The following ZNF543 variants were observed in gnomAD, a reference collection of about 807,000 sequenced individuals.
The protein encoded by ZNF543 is zinc finger protein 543.
A neutral mutation model predicts 13.4 loss-of-function variants in ZNF543; 10 were observed. That is an observed-to-expected ratio of 0.75 (90% CI 0.46 to 1.26). The LOEUF (loss-of-function observed/expected upper bound fraction) is 1.26, where lower values mean the gene tolerates loss of function less well. Ranked by LOEUF, ZNF543 falls within the 50% of genes most tolerant of loss-of-function variation. The probability of loss-of-function intolerance (pLI) is 0.00; values close to 1 mark genes in which losing one functional copy is unlikely to be tolerated. For synonymous variants in ZNF543, 272 were observed against 264.7 expected, an observed-to-expected ratio of 1.03 and a Z score of -0.27; for missense variants, 768 against 741.2, an observed-to-expected ratio of 1.04 and a Z score of -0.42.
chr19:57,328,216 G>A lies in ZNF543; in HGVS notation c.754G>A (p.Glu252Lys), dbSNP rs753661697. Residue 252 changes from glutamate to lysine, a missense_variant, in exon 4 of 4, where the codon GAG becomes AAG. Coordinates refer to ENST00000321545, the MANE Select transcript of ZNF543 (RefSeq NM_213598.4). ...TCAGCACCTCATCATCCACACTGGG[G>A]AGAAGCCCTATAAGTGCATGGAGTG... ...LLQHLIIHTG[E>K]KPYKCMECGK... is the part of the protein sequence containing the mutation. 2.5e-6 allele frequency: 4 copies of A among 1,613,268 alleles called. No individual in the cohort carries two copies. The highest frequency in any genetic ancestry group is 3.4e-6 in the Non-Finnish European group (4 of 1,179,312).
Position 57,328,763 on chromosome 19 carries a change from A to G in ZNF543, c.1301A>G (p.His434Arg), listed in dbSNP as rs1369481318. The change falls in exon 4 of 4, where the codon CAC (histidine) becomes CGC (arginine). Residue 434 changes from histidine to arginine, a missense_variant. By Grantham distance (29) the His-to-Arg change is conservative. Around this residue, in one of 3 missense-constraint regions of ZNF543, gnomAD observed 677 missense variants for 631.4 expected, o/e 1.07. Coordinates refer to ENST00000321545, the MANE Select transcript of ZNF543 (RefSeq NM_213598.4). Reference protein sequence around the residue: ...ECSECGKAFTHCSTFVLHKRT... With the variant: ...ECSECGKAFTRCSTFVLHKRT... ...AGTGAATGTGGAAAGGCCTTCACCC[A>G]CTGCTCCACTTTTGTCTTGCATAAA... The G allele has an allele frequency of 6.2e-7, 1 of 1,613,990 alleles. No homozygotes were observed. Among genetic ancestry groups the G allele is most frequent in the South Asian group, 1.1e-5 (1 of 91,070 alleles).
At position 57,326,650 on chromosome 19, in the gene ZNF543, C is replaced by G. The variant is rs6510057; in HGVS notation, c.163C>G (p.Pro55Ala). 0.54 allele frequency: 869,346 copies of G among 1,611,732 alleles called. 238,607 individuals carry two copies. The highest frequency in any genetic ancestry group is 0.56 in the Non-Finnish European group (663,225 of 1,178,148). ...ATGCACAGGCTGTCCTTTGTTCAAA[C>G]CAGAGCTGATCTACCAGTTGGATCA... ...LMSLGCPLFK[P>A]ELIYQLDHRQ... The change falls in exon 3 of 4, where the codon CCA becomes GCA. Residue 55 changes from proline to alanine, a missense_variant. Around this residue, in one of 3 missense-constraint regions of ZNF543, gnomAD observed 77 missense variants for 75.5 expected, o/e 1.02. Transcript: ENST00000321545.
rs751683309 is a variant in ZNF543, at chr19:57,320,878, G to A, written c.18+7G>A. On this transcript the variant is annotated splice_region_variant and intron_variant, in intron 1 of 3. Transcript: ENST00000321545. ...GATGGCAGCCTCGGCGCAGGTGAGT[G>A]GACGAGGTTTTGGCCTTGCTGCTGC... The A allele has an allele frequency of 1.9e-6, 3 of 1,613,936 alleles. No individual in the cohort carries two copies. In the Admixed American group the frequency reaches 5.0e-5, roughly 27 times the overall value.
rs1172066851 is a variant in ZNF543, at chr19:57,326,676, C to T, written c.189C>T (p.His63=). 6.2e-7 allele frequency: 1 copy of T among 1,614,020 alleles called. No individual in the cohort carries two copies. Among genetic ancestry groups the T allele is most frequent in the Non-Finnish European group, 8.5e-7 (1 of 1,180,006 alleles). ...CAGAGCTGATCTACCAGTTGGATCA[C>T]AGACAGGAGCTATGGATGGCTACAA... ...FKPELIYQLD[H]RQELWMATKD... Residue 63 remains histidine, a synonymous_variant, in exon 3 of 4, where the codon CAC becomes CAT. Coordinates refer to ENST00000321545, the MANE Select transcript of ZNF543 (RefSeq NM_213598.4).
rs2088149180 is a variant in ZNF543, at chr19:57,329,498, A to G, written c.*233A>G. The G allele has an allele frequency of 4.2e-6, 2 of 480,774 alleles. No homozygotes were observed. The highest frequency in any genetic ancestry group is 3.4e-5 in the East Asian group (1 of 29,798). 29.8% of individuals were successfully genotyped at this position (480,774 alleles called of 1,614,324 possible). A position where few individuals can be genotyped will look rare whatever the true frequency, so the allele number is the denominator to read the frequency against. Reference sequence around the variant, plus strand: ...ATCTTTCTTCTTAGTTTACAGTGAAATATTATCTCAGGGATATTTTTTTTT... The same window carrying G: ...ATCTTTCTTCTTAGTTTACAGTGAAGTATTATCTCAGGGATATTTTTTTTT... On this transcript the variant is annotated 3_prime_UTR_variant, in exon 4 of 4. Transcript: ENST00000321545.
Position 57,328,976 on chromosome 19 carries a change from A to G in ZNF543, c.1514A>G (p.Lys505Arg), listed in dbSNP as rs867621555. 1 of 1,614,212 alleles carries G rather than the reference A, an allele frequency of 6.2e-7. No homozygotes were observed. The highest frequency in any genetic ancestry group is 1.7e-5 in the Admixed American group (1 of 60,028). ...CACCAACAGATTCACACTGGAGAGA[A>G]ACCCTATGAATGCATCCAGTGTGGG... The part of the protein sequence containing the change: ...TRHQQIHTGE[K>R]PYECIQCGKA... Residue 505 changes from lysine to arginine, a missense_variant, in exon 4 of 4, where the codon AAA becomes AGA. Coordinates refer to ENST00000321545, the MANE Select transcript of ZNF543 (RefSeq NM_213598.4).
At chr19:57,323,337 G>A (rs1249279660) in intron 1 of ZNF543, among the ~76,000 whole-genome samples, 1 of 151,886 alleles carries the variant, frequency 6.6e-6, no homozygotes, top group Non-Finnish European at 1.5e-5. Flanking sequence ...GAATACAGGC[G>A]CCCGCCACCG....
chr19:57,325,615 C>T (rs960656879), intron 2 of ZNF543, among the ~76,000 whole-genome samples: 5 of 152,030 alleles, frequency 3.3e-5, no homozygotes, highest in African/African-American at 7.3e-5. Flanking sequence ...TGCAGTGGTA[C>T]GATCTCAGCT....
rs779231852 is a variant in ZNF543, at chr19:57,328,409, G to A, written c.947G>A (p.Cys316Tyr). Residue 316 changes from cysteine (C) to tyrosine (Y), a missense_variant, in exon 4 of 4, where the codon TGT becomes TAT. Around this residue, in one of 3 missense-constraint regions of ZNF543, gnomAD observed 677 missense variants for 631.4 expected, o/e 1.07. Transcript: ENST00000321545. ...TGEKPFVCKE[C>Y]GKAFRDRPGF... ...GAAAAACCCTTTGTGTGCAAAGAGT[G>A]TGGCAAAGCCTTTCGAGATAGGCCA... 6 of 1,613,640 alleles carry A rather than the reference G, an allele frequency of 3.7e-6. No individual in the cohort carries two copies. Among genetic ancestry groups the A allele is most frequent in the Non-Finnish European group, 5.1e-6 (6 of 1,179,956 alleles).
chr19:57,325,376 A>G (rs1351645970), intron 2 of ZNF543, among the ~76,000 whole-genome samples: 7 of 152,286 alleles, frequency 4.6e-5, no homozygotes, highest in Non-Finnish European at 7.4e-5. Context: ...TAACTTCTCC[A>G]TAGAGTACTT....
chr19:57,322,975 G>GC (rs2088098631), intron 1 of ZNF543, among the ~76,000 whole-genome samples: 1 of 152,040 alleles, frequency 6.6e-6, no homozygotes, highest in African/African-American at 2.4e-5. Flanking sequence ...GGCATGTAAA[G>GC]CCATTAGCAT....
Position 57,328,690 on chromosome 19 carries a change from C to G in ZNF543, c.1228C>G (p.Leu410Val), listed in dbSNP as rs2088141395. The change falls in exon 4 of 4, where the codon CTC becomes GTC. Residue 410 changes from leucine to valine, a missense_variant. By Grantham distance (32) the Leu-to-Val change is conservative. This residue lies in a region of ZNF543 where 677 missense variants were observed against 631.4 expected (regional missense o/e 1.07). Transcript: ENST00000321545. Reference protein sequence around the residue: ...CGKAFNRRSHLKQHQRIHTGE... With the variant: ...CGKAFNRRSHVKQHQRIHTGE... ...GAAGGCGTTCAACCGTAGGTCACAC[C>G]TCAAGCAGCATCAACGGATTCACAC... 1 of 1,613,390 alleles carries G rather than the reference C, an allele frequency of 6.2e-7. No individual in the cohort carries two copies. Among genetic ancestry groups the G allele is most frequent in the Non-Finnish European group, 8.5e-7 (1 of 1,179,662 alleles).
At chr19:57,324,327 G>A (rs1468261208) in intron 2 of ZNF543, among the ~76,000 whole-genome samples, 9 of 147,044 alleles carry the variant, frequency 6.1e-5, no homozygotes, top group African/African-American at 2.3e-4. Context: ...CTCCAGCCCA[G>A]GCGACAGTGT....
chr19:57,328,761 C>G lies in ZNF543; in HGVS notation c.1299C>G (p.Thr433=). The change falls in exon 4 of 4, where the codon ACC becomes ACG. Residue 433 remains threonine (T), a synonymous_variant. Coordinates refer to ENST00000321545, the MANE Select transcript of ZNF543 (RefSeq NM_213598.4). ...YECSECGKAF[T]HCSTFVLHKR... is the part of the protein sequence containing the mutation. ...GCAGTGAATGTGGAAAGGCCTTCACCCACTGCTCCACTTTTGTCTTGCATA... is the reference window on the plus strand; with the variant it reads ...GCAGTGAATGTGGAAAGGCCTTCACGCACTGCTCCACTTTTGTCTTGCATA... The G allele has an allele frequency of 6.2e-7, 1 of 1,613,734 alleles. No homozygotes were observed. The highest frequency in any genetic ancestry group is 8.5e-7 in the Non-Finnish European group (1 of 1,179,968).
Position 57,320,990 on chromosome 19 carries a change from G to A in ZNF543, c.18+119G>A, listed in dbSNP as rs2122932798. The A allele has an allele frequency of 2.9e-6, 4 of 1,398,112 alleles. No individual in the cohort carries two copies. The East Asian group carries it at 9.7e-5, about 34-fold the overall frequency. 86.6% of individuals were successfully genotyped at this position (1,398,112 alleles called of 1,614,324 possible). A position where few individuals can be genotyped will look rare whatever the true frequency, so the allele number is the denominator to read the frequency against. ...TGTCGCCGTCGTTTATTTAAGAGAA[G>A]TGGCCGTAGCTTGTCATTTCCTTTA... On this transcript the variant is annotated intron_variant, in intron 1 of 3. Transcript: ENST00000321545.
chr19:57,327,845 C>T lies in ZNF543; in HGVS notation c.383C>T (p.Ser128Phe). ...CAATCCAAGGATCAGGATGGGCCAT[C>T]TGAAATGCAAGAAGTCCACTTGAAA... ...LGQSKDQDGP[S>F]EMQEVHLKIG... The change falls in exon 4 of 4, where the codon TCT becomes TTT. Residue 128 changes from serine to phenylalanine, a missense_variant. Ser to Phe is a radical substitution (Grantham distance 155). Around this residue, in one of 3 missense-constraint regions of ZNF543, gnomAD observed 677 missense variants for 631.4 expected, o/e 1.07. Transcript: ENST00000321545. The T allele has an allele frequency of 2.5e-6, 4 of 1,614,120 alleles. No individual in the cohort carries two copies. Among genetic ancestry groups the T allele is most frequent in the Non-Finnish European group, 3.4e-6 (4 of 1,180,028 alleles).
rs200961974 is a variant in ZNF543, at chr19:57,329,240, T to C, written c.1778T>C (p.Ile593Thr). The C allele has an allele frequency of 1.5e-4, 242 of 1,608,174 alleles. 2 individuals carry two copies. The highest frequency in any genetic ancestry group is 1.0e-4 in the Non-Finnish European group (118 of 1,176,548). Residue 593 changes from isoleucine to threonine, a missense_variant, in exon 4 of 4, where the codon ATC (isoleucine) becomes ACC (threonine). Transcript: ENST00000321545. ...TTATTAGGGAAAGAGTTTTTGAATA[T>C]CACCACTGAAGAAAATCTGTGGTGA... ...ELLLGKEFLNITTEENLW is the reference protein window; with the variant it reads ...ELLLGKEFLNTTTEENLW
At chr19:57,327,030 C>T (rs2088125912) in intron 3 of ZNF543, among the ~76,000 whole-genome samples, 2 of 137,364 alleles carry the variant, frequency 1.5e-5, no homozygotes, top group Non-Finnish European at 3.2e-5. Flanking sequence ...CCATGCCTGG[C>T]TGAGTTTTTA....
rs966475312 is a variant in ZNF543 at position 57,326,520 on chromosome 19, G to A, written c.146-113G>A. The A allele has an allele frequency of 7.9e-6, 6 of 756,672 alleles. No individual in the cohort carries two copies. In the Admixed American group the frequency reaches 1.0e-4, roughly 13 times the overall value. 46.9% of individuals were successfully genotyped at this position (756,672 alleles called of 1,614,324 possible). ...CACGGTTCAACGTTTTCTTTGCTTG[G>A]CTGAGAATAGCTTCACTTCATGGTC... On this transcript the variant is annotated intron_variant, in intron 2 of 3. Coordinates refer to ENST00000321545, the MANE Select transcript of ZNF543 (RefSeq NM_213598.4).
Sources: gnomAD v4.1 joint callset for allele counts (sites outside exome capture counted in the v4.1 genomes callset) on GRCh38, gnomAD v4.1.1 for gene constraint, gnomAD v4.1.1 regional missense constraint, MANE v1.5 for transcripts, NCBI Gene and HGNC (gene_info 2026-07-23, HGNC 2026-07-21) for gene names.